Variants in CTNND2 observed in about 807,000 individuals in gnomAD.
CTNND2 encodes the protein catenin delta 2.
Under a neutral mutation model 144.4 loss-of-function variants are expected in CTNND2, and 22 were observed. The ratio of observed to expected loss-of-function variants is 0.15; its 90% CI spans 0.11 to 0.22. The LOEUF (loss-of-function observed/expected upper bound fraction) is 0.22, where lower values mean the gene tolerates loss of function less well. Ranked by LOEUF, CTNND2 falls within the 10% of genes least tolerant of loss-of-function variation. The pLI is 1.00. For missense variants in CTNND2, 1,353 were observed against 1,618.8 expected (o/e 0.84, Z 2.82); for synonymous variants, 751 against 695.6 (o/e 1.08, Z -1.25).
intron 1 of CTNND2, among the ~76,000 whole-genome samples, chr5:11,894,802 T>C (rs1470355519): frequency 6.6e-6 from 1 of 152,200 alleles, no homozygotes; most frequent in African/African-American, 2.4e-5. Flanking sequence ...CCTAAGGCAG[T>C]GGTCCCTCCA....
chr5:11,003,038 G>A (rs1480768459), intron 18 of CTNND2, among the ~76,000 whole-genome samples: 1 of 152,138 alleles, frequency 6.6e-6, no homozygotes, highest in Non-Finnish European at 1.5e-5. Context: ...AGTTCTGGAA[G>A]TTTTTTAATG....
At chr5:11,687,025 A>T (rs1167196238) in intron 2 of CTNND2, among the ~76,000 whole-genome samples, 1 of 151,946 alleles carries the variant, frequency 6.6e-6, no homozygotes, top group Non-Finnish European at 1.5e-5. Context: ...GATTCAGTCC[A>T]TTTTGCCTTC....
chr5:11,715,142 C>T (rs10062476), intron 2 of CTNND2, among the ~76,000 whole-genome samples: 2,462 of 151,964 alleles, frequency 0.016, 55 homozygotes, highest in African/African-American at 0.052. Context: ...AAATAAATGC[C>T]CCAATTTAAT....
chr5:11,061,007 G>A (rs1349691071), intron 16 of CTNND2, among the ~76,000 whole-genome samples: 1 of 151,716 alleles, frequency 6.6e-6, no homozygotes, highest in Non-Finnish European at 1.5e-5. Context: ...TAATATCTCA[G>A]TCCTGAGCTC....
At chr5:10,996,976 G>A (rs1451939043) in intron 18 of CTNND2, among the ~76,000 whole-genome samples, 2 of 152,158 alleles carry the variant, frequency 1.3e-5, no homozygotes, top group African/African-American at 4.8e-5. Context: ...ATATATGGGG[G>A]ATAACTGGCT....
chr5:11,207,165 T>G (rs1322746790), intron 10 of CTNND2, among the ~76,000 whole-genome samples: 1 of 151,926 alleles, frequency 6.6e-6, no homozygotes, highest in African/African-American at 2.4e-5. Context: ...ATGTTCTCAC[T>G]CATAAGTGGG....
At chr5:11,125,900 T>C (rs1754625315) in intron 12 of CTNND2, among the ~76,000 whole-genome samples, 1 of 152,230 alleles carries the variant, frequency 6.6e-6, no homozygotes, top group Non-Finnish European at 1.5e-5. Context: ...ATTCTGTTTT[T>C]TACCATAACA....
intron 16 of CTNND2, among the ~76,000 whole-genome samples, chr5:11,078,526 G>C (rs1233994850): frequency 6.6e-6 from 1 of 152,160 alleles, no homozygotes; most frequent in Non-Finnish European, 1.5e-5. Flanking sequence ...GTCTCCGAGA[G>C]AAGACTAGAT....
chr5:11,276,123 C>T (rs1195630693), intron 9 of CTNND2, among the ~76,000 whole-genome samples: 1 of 152,128 alleles, frequency 6.6e-6, no homozygotes, highest in Non-Finnish European at 1.5e-5. Context: ...TTTTTGTAGA[C>T]CTCAGTGAGG....
chr5:11,603,226 G>T (rs2126340671), intron 2 of CTNND2, among the ~76,000 whole-genome samples: 1 of 152,240 alleles, frequency 6.6e-6, no homozygotes, highest in East Asian at 1.9e-4. Context: ...CTACTGAACA[G>T]ATTCCATGTA....
In CTNND2 at chr5:11,425,988, G is replaced by T. The variant is rs1762745067; in HGVS notation, c.288-13919C>A. On this transcript the variant is annotated intron_variant, in intron 3 of 21. Coordinates refer to ENST00000304623, the MANE Select transcript of CTNND2 (RefSeq NM_001332.4). Reference sequence around the variant, plus strand: ...AGGTGATGTGGGATCCCCTCGGCCTGCCTTTAGCAAAAATCCTATTAGGTC... The same window carrying T: ...AGGTGATGTGGGATCCCCTCGGCCTTCCTTTAGCAAAAATCCTATTAGGTC... Among the ~76,000 whole-genome samples the T allele has an allele frequency of 2.0e-5, 3 of 152,218 alleles. No individual in the cohort carries two copies. The South Asian group carries it at 6.2e-4, about 32-fold the overall frequency.
chr5:11,359,802 G>A (rs945589823), intron 8 of CTNND2, among the ~76,000 whole-genome samples: 3 of 152,198 alleles, frequency 2.0e-5, no homozygotes, highest in East Asian at 1.9e-4. Flanking sequence ...GTCTGGGGCA[G>A]GAGGATGGAG....
chr5:11,609,637 C>T (rs1780221033), intron 2 of CTNND2, among the ~76,000 whole-genome samples: 1 of 151,990 alleles, frequency 6.6e-6, no homozygotes, highest in Admixed American at 6.6e-5. Flanking sequence ...TATTTTTTGG[C>T]CCAGTATAGA....
chr5:10,989,883 C>G (rs535772119), intron 19 of CTNND2, among the ~76,000 whole-genome samples: 4 of 152,326 alleles, frequency 2.6e-5, no homozygotes, highest in South Asian at 4.1e-4. Flanking sequence ...CCCTCTCAAA[C>G]CTATCAAAAT....
chr5:11,465,505 G>A (rs140252049), intron 3 of CTNND2, among the ~76,000 whole-genome samples: 2 of 152,222 alleles, frequency 1.3e-5, no homozygotes, highest in Admixed American at 6.5e-5. Context: ...GCTAGAATTA[G>A]GCAGACAAAC....
chr5:11,110,253 G>A (rs1012859479), intron 14 of CTNND2, among the ~76,000 whole-genome samples: 15 of 152,096 alleles, frequency 9.9e-5, no homozygotes. Context: ...CAGCAGGTGA[G>A]GGCCATTCTG....
intron 1 of CTNND2, among the ~76,000 whole-genome samples, chr5:11,805,381 T>A (rs1360055549): frequency 6.6e-6 from 1 of 152,086 alleles, no homozygotes; most frequent in African/African-American, 2.4e-5. Flanking sequence ...AACAAGCACA[T>A]CTACCACCCT....
chr5:11,449,632 G>C (rs1479601832), intron 3 of CTNND2, among the ~76,000 whole-genome samples: 1 of 152,174 alleles, frequency 6.6e-6, no homozygotes, highest in African/African-American at 2.4e-5. Flanking sequence ...CTCAAAAGAA[G>C]TAAGATAAAT....
chr5:11,426,828 T>C (rs1473050369), intron 3 of CTNND2, among the ~76,000 whole-genome samples: 4 of 152,142 alleles, frequency 2.6e-5, no homozygotes, highest in Admixed American at 6.6e-5. Context: ...AATGATAACT[T>C]AGAAGGAAAG....
Sources: allele counts gnomAD v4.1 joint callset (sites outside exome capture counted in the v4.1 genomes callset), GRCh38; gene constraint gnomAD v4.1.1; transcripts MANE v1.5; gene names NCBI Gene and HGNC (gene_info 2026-07-23, HGNC 2026-07-21).